TPP2: variants seen among roughly 807,000 people sequenced by gnomAD.
TPP2 encodes tripeptidyl-peptidase 2.
In TPP2, 34 loss-of-function variants were observed where a neutral mutation model predicts 155.9. The observed-to-expected ratio is 0.22, with a 90% CI of 0.17 to 0.29. TPP2 has a LOEUF of 0.29. TPP2 is among the 10% of genes least tolerant of loss of function. The probability of loss-of-function intolerance (pLI) is 1.00; values close to 1 mark genes in which losing one functional copy is unlikely to be tolerated. For missense variants in TPP2, 1,028 were observed against 1,522.3 expected, an observed-to-expected ratio of 0.68 and a Z score of 5.40; for synonymous variants, 510 against 529.4, an observed-to-expected ratio of 0.96 and a Z score of 0.50.
intron 24 of TPP2, chr13:102,656,850 A>T (rs2139570696): frequency 2.8e-6 from 1 of 361,204 alleles, no homozygotes; most frequent in African/African-American, 2.1e-5. Context: ...GAGATATTTG[A>T]AGTATCAGTA....
At chr13:102,652,775 G>A (rs1323826090) in intron 24 of TPP2, among the ~76,000 whole-genome samples, 1 of 152,052 alleles carries the variant, frequency 6.6e-6, no homozygotes. Context: ...TGACCGTTTG[G>A]GGGCCACGTA....
chr13:102,616,638 T>C (rs1446137182), intron 4 of TPP2, 138 bp downstream of exon 4: 1 of 635,938 alleles, frequency 1.6e-6, no homozygotes, highest in African/African-American at 1.9e-5. Context: ...TTTACTAATT[T>C]TTCCTTTATT....
At chr13:102,605,601 C>T (rs972315824) in intron 2 of TPP2, among the ~76,000 whole-genome samples, 13 of 151,362 alleles carry the variant, frequency 8.6e-5, no homozygotes. Context: ...ATAGCTTTGC[C>T]TTCATGTTTT....
In TPP2 at chr13:102,649,105, C is replaced by T; in HGVS notation, c.2827C>T (p.Pro943Ser). The change falls in exon 22 of 30, where the codon CCC becomes TCC. Residue 943 changes from proline (P) to serine (S), a missense_variant. By Grantham distance (74) the Pro-to-Ser change is moderately conservative (BLOSUM62 -1). Coordinates refer to ENST00000376052, the MANE Select transcript of TPP2 (RefSeq NM_001330588.2). ...KKKSSNLTLP[P>S]KYNQPFFVTS... ...GAAATCAAGCAATTTGACATTACCACCCAAATATAACCAGCCATTCTTTGT... is the reference window on the plus strand; with the variant it reads ...GAAATCAAGCAATTTGACATTACCATCCAAATATAACCAGCCATTCTTTGT... 6.2e-7 allele frequency: 1 copy of T among 1,612,632 alleles called. No homozygotes were observed. Among genetic ancestry groups the T allele is most frequent in the Non-Finnish European group, 8.5e-7 (1 of 1,179,572 alleles).
At chr13:102,661,936 A>G (rs1023836252) in intron 25 of TPP2, among the ~76,000 whole-genome samples, 3 of 152,212 alleles carry the variant, frequency 2.0e-5, no homozygotes, top group African/African-American at 7.2e-5. Context: ...TATACCCAAG[A>G]AAAATAAAAA....
chr13:102,638,761 T>A (rs606253), intron 15 of TPP2, among the ~76,000 whole-genome samples: 1 of 151,970 alleles, frequency 6.6e-6, no homozygotes, highest in African/African-American at 2.4e-5. Context: ...TAAGAAACTC[T>A]TAACTTCCCA....
chr13:102,616,293 G>T, intron 3 of TPP2, 103 bp from the exon 4 acceptor site: 2 of 886,638 alleles, frequency 2.3e-6, no homozygotes, highest in Non-Finnish European at 3.5e-6. Context: ...TGAGAATTGT[G>T]TAGTATCACA....
chr13:102,601,450 C>T (rs1435714870), intron 1 of TPP2, among the ~76,000 whole-genome samples: 1 of 152,182 alleles, frequency 6.6e-6, no homozygotes, highest in Non-Finnish European at 1.5e-5. Context: ...TCACTAACTC[C>T]TCTACCTTAC....
At chr13:102,622,747 G>A in intron 5 of TPP2, 130 bp from the exon 6 acceptor site, 1 of 1,045,602 alleles carries the variant, frequency 9.6e-7, no homozygotes, top group Non-Finnish European at 1.3e-6. Flanking sequence ...GCTAAACCAG[G>A]CAGTCATTAT....
chr13:102,642,956 C>G lies in TPP2; in HGVS notation c.2021-266C>G, dbSNP rs563962588. Among the ~76,000 whole-genome samples the G allele has an allele frequency of 3.5e-4, 53 of 152,240 alleles. 1 individual carries two copies. Among genetic ancestry groups the G allele is most frequent in the African/African-American group, 1.3e-3 (53 of 41,542 alleles). ...GCATCTATGGACAGCTTGCTGTTTC[C>G]AGGTGTTTGCAGCCTCATGGTGGTG... On this transcript the variant is annotated intron_variant, in intron 16 of 29. Coordinates refer to ENST00000376052, the MANE Select transcript of TPP2 (RefSeq NM_001330588.2).
chr13:102,662,560 G>A (rs985929664), intron 25 of TPP2, among the ~76,000 whole-genome samples: 3 of 152,116 alleles, frequency 2.0e-5, no homozygotes, highest in Non-Finnish European at 2.9e-5. Flanking sequence ...AATGTAAAAC[G>A]AAAGTGTTGA....
chr13:102,631,030 A>G (rs1187982407), intron 10 of TPP2, among the ~76,000 whole-genome samples: 1 of 152,188 alleles, frequency 6.6e-6, no homozygotes, highest in Non-Finnish European at 1.5e-5. Context: ...ATTGAAGTTG[A>G]CCTTAAAGGA....
At chr13:102,636,689 A>G (rs1273782740) in intron 13 of TPP2, among the ~76,000 whole-genome samples, 6 of 152,218 alleles carry the variant, frequency 3.9e-5, no homozygotes, top group Admixed American at 3.3e-4. Context: ...CACTTTACCT[A>G]CTTAGGTATA....
chr13:102,613,502 A>C (rs1433791661), intron 2 of TPP2, among the ~76,000 whole-genome samples: 1 of 152,220 alleles, frequency 6.6e-6, no homozygotes, highest in Non-Finnish European at 1.5e-5. Context: ...TTTTGTTCAC[A>C]AGAATAAGGT....
chr13:102,628,285 C>T (rs532515434), intron 8 of TPP2, among the ~76,000 whole-genome samples: 1 of 152,138 alleles, frequency 6.6e-6, no homozygotes, highest in South Asian at 2.1e-4. Flanking sequence ...GTCAGATGCA[C>T]TGCATCCTCA....
At chr13:102,627,707 A>G in intron 7 of TPP2, 141 bp from the exon 8 acceptor site, 1 of 596,122 alleles carries the variant, frequency 1.7e-6, no homozygotes, top group Non-Finnish European at 2.9e-6. Flanking sequence ...GTCCAGGTAT[A>G]TGGTGATATG....
chr13:102,646,532 C>T (rs1293637781), intron 20 of TPP2, 142 bp downstream of exon 20: 6 of 575,726 alleles, frequency 1.0e-5, no homozygotes, highest in Non-Finnish European at 1.7e-5. Context: ...TTTGGAATTA[C>T]TCTTTAGGAA....
chr13:102,643,165 T>C (rs1436976818), intron 16 of TPP2, 57 bp from the exon 17 acceptor site: 1 of 1,487,824 alleles, frequency 6.7e-7, no homozygotes, highest in Non-Finnish European at 8.9e-7. Context: ...AAAGCCACTT[T>C]ATGTCAATTT....
chr13:102,636,323 G>A lies in TPP2; in HGVS notation c.1609G>A (p.Asp537Asn), dbSNP rs1882376255. The change falls in exon 13 of 30, where the codon GAT (aspartate) becomes AAT (asparagine). Residue 537 changes from aspartate (D) to asparagine (N), a missense_variant. By Grantham distance (23) the Asp-to-Asn change is conservative. This residue lies in a region of TPP2 where 325 missense variants were observed against 463.7 expected (regional missense o/e 0.70). Coordinates refer to ENST00000376052, the MANE Select transcript of TPP2 (RefSeq NM_001330588.2). ...VGNNRGIYLR[D>N]PVQVAAPSDH... is the part of the protein sequence containing the mutation. Reference sequence around the variant, plus strand: ...AAATAACCGTGGCATCTACCTCCGAGATCCTGTTCAGGTGGCTGCACCTTC... The same window carrying A: ...AAATAACCGTGGCATCTACCTCCGAAATCCTGTTCAGGTGGCTGCACCTTC... 1 of 1,613,796 alleles carries A rather than the reference G, an allele frequency of 6.2e-7. No homozygotes were observed. Among genetic ancestry groups the A allele is most frequent in the African/African-American group, 1.3e-5 (1 of 74,870 alleles).
Sources: allele counts gnomAD v4.1 joint callset (sites outside exome capture counted in the v4.1 genomes callset), GRCh38; gene constraint gnomAD v4.1.1; regional missense constraint gnomAD v4.1.1; transcripts MANE v1.5; gene names NCBI Gene and HGNC (gene_info 2026-07-23, HGNC 2026-07-21).